Variants in SYT9 observed in about 807,000 individuals in gnomAD.
SYT9 encodes synaptotagmin-9.
In SYT9, 22 loss-of-function variants were observed where a neutral mutation model predicts 48.4. The ratio of observed to expected loss-of-function variants is 0.45; its 90% CI spans 0.32 to 0.65. The LOEUF (loss-of-function observed/expected upper bound fraction) is 0.65. Among genes scored for constraint, SYT9 ranks in the 30% least tolerant of loss-of-function variants. The pLI, the probability that SYT9 is intolerant of heterozygous loss-of-function variation, is 0.03. For missense variants in SYT9, 577 were observed against 622.0 expected, an observed-to-expected ratio of 0.93 and a Z score of 0.77; for synonymous variants, 265 against 245.0, an observed-to-expected ratio of 1.08 and a Z score of -0.76.
At chr11:7,373,667 T>C (rs1230952700) in intron 3 of SYT9, among the ~76,000 whole-genome samples, 1 of 152,126 alleles carries the variant, frequency 6.6e-6, no homozygotes, top group Non-Finnish European at 1.5e-5. Flanking sequence ...GTTGAACATA[T>C]GAAACTCCCC....
chr11:7,241,633 A>T (rs922666268), intron 1 of SYT9, among the ~76,000 whole-genome samples: 1 of 152,228 alleles, frequency 6.6e-6, no homozygotes, highest in African/African-American at 2.4e-5. Context: ...GGATTGATTG[A>T]TTAGTCAAGT....
chr11:7,309,325 C>CACTGTCGTT (rs921760230), intron 2 of SYT9, among the ~76,000 whole-genome samples: 2 of 152,180 alleles, frequency 1.3e-5, no homozygotes, highest in African/African-American at 4.8e-5. Flanking sequence ...CCTTCTGACC[C>CACTGTCGTT]ACTGTCGTTG....
At chr11:7,291,122 C>T (rs1848690168) in intron 1 of SYT9, among the ~76,000 whole-genome samples, 1 of 152,176 alleles carries the variant, frequency 6.6e-6, no homozygotes, top group Non-Finnish European at 1.5e-5. Flanking sequence ...TCATCTGCCA[C>T]CCTCCAATAT....
At chr11:7,358,853 A>T (rs1047197757) in intron 3 of SYT9, among the ~76,000 whole-genome samples, 12 of 151,288 alleles carry the variant, frequency 7.9e-5, no homozygotes, top group African/African-American at 2.9e-4. Context: ...ATTTCTTCAG[A>T]TTTTTTTTTA....
chr11:7,432,590 TAC>T (rs61598866), intron 6 of SYT9, among the ~76,000 whole-genome samples: 246 of 2,736 alleles, frequency 0.09, 17 homozygotes, highest in Middle Eastern at 0.5. Context: ...AAAATATATA[TAC>T]ATATATATAT....
intron 1 of SYT9, among the ~76,000 whole-genome samples, chr11:7,244,067 A>C (rs2119723380): frequency 6.6e-6 from 1 of 152,222 alleles, no homozygotes; most frequent in Non-Finnish European, 1.5e-5. Context: ...CGATGAACAA[A>C]TGTAAAACCA....
intron 1 of SYT9, among the ~76,000 whole-genome samples, chr11:7,257,177 C>G (rs1173453459): frequency 1.3e-5 from 2 of 152,124 alleles, no homozygotes; most frequent in East Asian, 1.9e-4. Context: ...TCCGCCTAAC[C>G]CTTCTCAGCT....
intron 3 of SYT9, among the ~76,000 whole-genome samples, chr11:7,343,957 T>C (rs1369547334): frequency 6.6e-6 from 1 of 152,140 alleles, no homozygotes; most frequent in African/African-American, 2.4e-5. Context: ...ACTTATTCAC[T>C]ACCACAAGAA....
chr11:7,245,709 G>A (rs1847783784), intron 1 of SYT9, among the ~76,000 whole-genome samples: 1 of 152,188 alleles, frequency 6.6e-6, no homozygotes, highest in African/African-American at 2.4e-5. Context: ...CGTAGATGGT[G>A]GAAGGGCAAA....
intron 1 of SYT9, among the ~76,000 whole-genome samples, chr11:7,269,047 C>T (rs1045080456): frequency 2.6e-5 from 4 of 152,020 alleles, no homozygotes; most frequent in Admixed American, 2.0e-4. Context: ...TATCATAGCA[C>T]GTGTCATTAG....
chr11:7,269,703 T>G (rs1203930879), intron 1 of SYT9, among the ~76,000 whole-genome samples: 1 of 152,182 alleles, frequency 6.6e-6, no homozygotes, highest in African/African-American at 2.4e-5. Flanking sequence ...ACTCTATACT[T>G]GTGCTTTCAT....
intron 3 of SYT9, among the ~76,000 whole-genome samples, chr11:7,391,857 A>T (rs1485204802): frequency 6.6e-6 from 1 of 150,742 alleles, no homozygotes; most frequent in Non-Finnish European, 1.5e-5. Flanking sequence ...TCGAGGCTGC[A>T]GTGAGCTATG....
chr11:7,318,256 TG>T (rs1849276127), intron 3 of SYT9, among the ~76,000 whole-genome samples: 2 of 152,328 alleles, frequency 1.3e-5, no homozygotes, highest in South Asian at 4.1e-4. Context: ...CTATTGCTAG[TG>T]TATAGTTAAA....
At chr11:7,295,972 C>G (rs569359043) in intron 1 of SYT9, among the ~76,000 whole-genome samples, 6 of 152,282 alleles carry the variant, frequency 3.9e-5, no homozygotes, top group African/African-American at 1.2e-4. Context: ...ACCTTTTGAG[C>G]ACCTGACATT....
intron 3 of SYT9, among the ~76,000 whole-genome samples, chr11:7,347,425 G>T (rs1227046636): frequency 6.6e-6 from 1 of 151,964 alleles, no homozygotes; most frequent in Admixed American, 6.5e-5. Flanking sequence ...AGTGGAGACG[G>T]GGTTCTACCA....
chr11:7,355,555 T>C (rs1426930945), intron 3 of SYT9, among the ~76,000 whole-genome samples: 1 of 152,232 alleles, frequency 6.6e-6, no homozygotes, highest in East Asian at 1.9e-4. Flanking sequence ...TGATGCAGGT[T>C]ACCCCACCTT....
At chr11:7,421,334 G>A (rs1847350877) in intron 6 of SYT9, among the ~76,000 whole-genome samples, 1 of 152,158 alleles carries the variant, frequency 6.6e-6, no homozygotes, top group Non-Finnish European at 1.5e-5. Context: ...ACAAAAATGT[G>A]CAAAAGGGCA....
intron 3 of SYT9, among the ~76,000 whole-genome samples, chr11:7,320,621 G>A (rs1269617885): frequency 6.6e-6 from 1 of 152,186 alleles, no homozygotes; most frequent in African/African-American, 2.4e-5. Flanking sequence ...GGGACTGCTT[G>A]AGTTGGAGGC....
chr11:7,457,688 A>G (rs919321963), intron 6 of SYT9: 3 of 152,242 alleles, frequency 2.0e-5, no homozygotes, highest in Admixed American at 6.5e-5. Flanking sequence ...GGCAACACCC[A>G]TGAGAATGAA....
Sources: gnomAD v4.1 joint callset for allele counts (sites outside exome capture counted in the v4.1 genomes callset) on GRCh38, gnomAD v4.1.1 for gene constraint, MANE v1.5 for transcripts, NCBI Gene and HGNC (gene_info 2026-07-23, HGNC 2026-07-21) for gene names.